Variants in TLN1 observed in about 807,000 individuals in gnomAD.
TLN1 encodes talin-1.
TLN1 carries 56 observed loss-of-function variants against 292.3 expected under a neutral mutation model. The ratio of observed to expected loss-of-function variants is 0.19; its 90% CI spans 0.15 to 0.24. The LOEUF is 0.24. Ranked by LOEUF, TLN1 falls within the 10% of genes least tolerant of loss-of-function variation. The probability of loss-of-function intolerance (pLI) is 1.00; values close to 1 mark genes in which losing one functional copy is unlikely to be tolerated. For missense variants in TLN1, 2,433 were observed against 3,248.2 expected, an observed-to-expected ratio of 0.75 and a Z score of 6.10; for synonymous variants, 1,119 against 1,253.7, an observed-to-expected ratio of 0.89 and a Z score of 2.27.
At chr9:35,713,932 T>C (rs752738710) in intron 25 of TLN1, 21 bp downstream of exon 25, 9 of 1,613,790 alleles carry the variant, frequency 5.6e-6, no homozygotes, top group Non-Finnish European at 6.8e-6. Context: ...TGAGTAAGAA[T>C]GAGGTCTTAA....
intron 8 of TLN1, 38 bp downstream of exon 8, chr9:35,722,823 C>T (rs374852686): frequency 8.9e-5 from 143 of 1,604,544 alleles, no homozygotes; most frequent in Non-Finnish European, 1.1e-4. Flanking sequence ...AGCAAAGCTC[C>T]GCGGTCATCC....
chr9:35,716,263 C>G, intron 20 of TLN1, 127 bp downstream of exon 20: 2 of 967,562 alleles, frequency 2.1e-6, no homozygotes, highest in African/African-American at 1.7e-5. Flanking sequence ...TTCCTGAGTG[C>G]TCCTATATTT....
At chr9:35,712,181 C>T in intron 27 of TLN1, 57 bp from the exon 28 acceptor site, 2 of 1,565,760 alleles carry the variant, frequency 1.3e-6, no homozygotes, top group Non-Finnish European at 1.7e-6. Context: ...GAGATCGCCT[C>T]CATTCACGCG....
intron 10 of TLN1, among the ~76,000 whole-genome samples, chr9:35,721,247 C>T (rs1825874122): frequency 1.3e-5 from 2 of 152,214 alleles, no homozygotes. Flanking sequence ...AGGGAAAAAA[C>T]AGCATTTCCT....
At position 35,720,888 on chromosome 9, in the gene TLN1, T is replaced by C. The variant is rs376501141; in HGVS notation, c.1130A>G (p.Tyr377Cys). ...TLDFGDYQDG[Y>C]YSVQTTEGEQ... Reference sequence around the variant, plus strand: ...CCCTTCAGTTGTCTGTACTGAGTAATAGCCATCTTGGTAATCTCCAAAATC... The same window carrying C: ...CCCTTCAGTTGTCTGTACTGAGTAACAGCCATCTTGGTAATCTCCAAAATC... Residue 377 changes from tyrosine (Y) to cysteine (C), a missense_variant, in exon 11 of 57, where the codon TAT (tyrosine) becomes TGT (cysteine). By Grantham distance (194) the Tyr-to-Cys change is radical. Around this residue, in one of 7 missense-constraint regions of TLN1, gnomAD observed 57 missense variants for 136.5 expected, o/e 0.42. Transcript: ENST00000314888. 21 of 1,613,920 alleles carry C rather than the reference T, an allele frequency of 1.3e-5. No individual in the cohort carries two copies. Among genetic ancestry groups the C allele is most frequent in the African/African-American group, 2.7e-5 (2 of 74,910 alleles).
chr9:35,704,548 G>A lies in TLN1; in HGVS notation c.5881-50C>T. ...ACTGTGGAAGGTGCCATGTGAAATG[G>A]AAAGGTTGCCCATGCCTGGGAGAAG... On this transcript the variant is annotated intron_variant, in intron 44 of 56. Coordinates refer to ENST00000314888, the MANE Select transcript of TLN1 (RefSeq NM_006289.4). This position sits in a 1 kb window ranked among gnomAD's most constrained non-coding sequence, Gnocchi z 6.9. 6.3e-7 allele frequency: 1 copy of A among 1,582,936 alleles called. No homozygotes were observed.
chr9:35,710,017 C>T (rs900092965), intron 33 of TLN1, among the ~76,000 whole-genome samples: 3 of 147,576 alleles, frequency 2.0e-5, no homozygotes, highest in African/African-American at 7.5e-5. Flanking sequence ...CGAGACCATC[C>T]TGGCTAACAT....
rs529614368 is a variant in TLN1 at position 35,720,318 on chromosome 9, G to T, written c.1284-99C>A. ...TGCAGGTGTGTGAGGTCTCACTACA[G>T]CCTGCAACTAGTTAAAGAACCATTC... On this transcript the variant is annotated intron_variant, in intron 12 of 56. Transcript: ENST00000314888. The T allele has an allele frequency of 9.2e-5, 141 of 1,529,782 alleles. 2 individuals are homozygous for T. The South Asian group carries it at 1.1e-3, about 12-fold the overall frequency. The allele number at this position is 1,529,782 out of a possible 1,614,324, so 94.8% of individuals were successfully genotyped here. A position where few individuals can be genotyped will look rare whatever the true frequency, so the allele number is the denominator to read the frequency against.
intron 3 of TLN1, 52 bp downstream of exon 3, chr9:35,725,172 G>C (rs1825948411): frequency 1.3e-6 from 2 of 1,596,504 alleles, no homozygotes; most frequent in Admixed American, 3.3e-5. Context: ...AGGTGGAACA[G>C]GGAGAAGCTG....
Position 35,716,551 on chromosome 9 carries a change from T to C in TLN1, c.2464A>G (p.Met822Val), listed in dbSNP as rs778231196. The change falls in exon 20 of 57, where the codon ATG becomes GTG. Residue 822 changes from methionine to valine, a missense_variant. Around this residue, in one of 7 missense-constraint regions of TLN1, gnomAD observed 617 missense variants for 770.6 expected, o/e 0.80. Transcript: ENST00000314888. ...GCCAGGATGCGGGCCTGTCGCACCA[T>C]CTCCCCTGAGAGCATAGGGCACAGT... ...IFSSMGDAGE[M>V]VRQARILAQA... The C allele has an allele frequency of 1.2e-6, 2 of 1,613,838 alleles. No homozygotes were observed. The highest frequency in any genetic ancestry group is 1.1e-5 in the South Asian group (1 of 91,058).
Position 35,700,384 on chromosome 9 carries a change from G to A in TLN1, c.6475-8C>T, listed in dbSNP as rs1382150169. ...CTCTGGGGAACAGAAAACCTGTGGG[G>A]GCAGAAGAAGAAGAAAGATTTTACA... On this transcript the variant is annotated splice_region_variant and splice_polypyrimidine_tract_variant and intron_variant, in intron 48 of 56. Coordinates refer to ENST00000314888, the MANE Select transcript of TLN1 (RefSeq NM_006289.4). 6.3e-7 allele frequency: 1 copy of A among 1,591,532 alleles called. No individual in the cohort carries two copies. The highest frequency in any genetic ancestry group is 8.6e-7 in the Non-Finnish European group (1 of 1,162,658).
intron 1 of TLN1, among the ~76,000 whole-genome samples, chr9:35,729,113 T>C (rs553924180): frequency 6.6e-6 from 1 of 152,328 alleles, no homozygotes; most frequent in South Asian, 2.1e-4. Context: ...ATTTAATCCT[T>C]ACAGTAGGTG....
At chr9:35,727,296 C>G (rs1327257898) in intron 1 of TLN1, among the ~76,000 whole-genome samples, 2 of 152,080 alleles carry the variant, frequency 1.3e-5, no homozygotes, top group Non-Finnish European at 2.9e-5. Flanking sequence ...TGTTAGGATA[C>G]AGAAGGCATT....
rs746258492 is a variant in TLN1 at position 35,714,096 on chromosome 9, G to A, written c.3121-15C>T. On this transcript the variant is annotated splice_polypyrimidine_tract_variant and intron_variant, in intron 24 of 56. Transcript: ENST00000314888. The surrounding 1 kb of genome is among the most constrained non-coding windows in gnomAD (Gnocchi z 4.6). ...GCTTCCTGAGCCTATGATAAGAAAG[G>A]GGTTTTGGGTGTAGAAGGTCCTGCT... The A allele has an allele frequency of 1.9e-6, 3 of 1,613,370 alleles. No individual in the cohort carries two copies. Among genetic ancestry groups the A allele is most frequent in the Non-Finnish European group, 2.5e-6 (3 of 1,179,452 alleles).
intron 33 of TLN1, among the ~76,000 whole-genome samples, chr9:35,710,210 G>A (rs1220927373): frequency 1.4e-4 from 15 of 111,066 alleles, no homozygotes; most frequent in Admixed American, 1.3e-4. Context: ...GCGACAGAGC[G>A]AAACGCTGTC....
At position 35,697,604 on chromosome 9, in the gene TLN1, A is replaced by C; in HGVS notation, c.*187T>G. 1 of 773,908 alleles carries C rather than the reference A, an allele frequency of 1.3e-6. No homozygotes were observed. Among genetic ancestry groups the C allele is most frequent in the Non-Finnish European group, 2.0e-6 (1 of 491,884 alleles). 47.9% of individuals were successfully genotyped at this position (773,908 alleles called of 1,614,324 possible). A position where few individuals can be genotyped will look rare whatever the true frequency, so the allele number is the denominator to read the frequency against. On this transcript the variant is annotated 3_prime_UTR_variant, in exon 57 of 57. Transcript: ENST00000314888. The stretch of plus-strand genomic sequence containing the variant: ...GGCACTTGGGGGGCCCTAGGGCATG[A>C]AGGCACTTGGGGTTGGGGAGGGGAC...
rs1003952810 is a variant in TLN1, at chr9:35,706,334, G to A, written c.5223C>T (p.Leu1741=). ...AGGCAGCACCCACTGCAGCCAGGGTGAGCGGCTCAAAGTACTGCGCCATCT... is the reference window on the plus strand; with the variant it reads ...AGGCAGCACCCACTGCAGCCAGGGTAAGCGGCTCAAAGTACTGCGCCATCT... ...VSQMAQYFEP[L]TLAAVGAASK... is the part of the protein sequence containing the mutation. Residue 1741 remains leucine (L), a synonymous_variant, in exon 40 of 57, where the codon CTC becomes CTT. Coordinates refer to ENST00000314888, the MANE Select transcript of TLN1 (RefSeq NM_006289.4). This position sits in a 1 kb window ranked among gnomAD's most constrained non-coding sequence, Gnocchi z 4.2. 6.2e-7 allele frequency: 1 copy of A among 1,612,096 alleles called. No individual in the cohort carries two copies. Among genetic ancestry groups the A allele is most frequent in the African/African-American group, 1.3e-5 (1 of 75,034 alleles).
At chr9:35,723,103 CTTCT>C (rs1414758994) in intron 7 of TLN1, 182 bp from the exon 8 acceptor site, 30 of 490,932 alleles carry the variant, frequency 6.1e-5, no homozygotes, top group East Asian at 1.5e-4. Flanking sequence ...CGTGTAAACT[CTTCT>C]TTTTTTTTTT....
At chr9:35,718,516 G>C (rs963083156) in intron 17 of TLN1, among the ~76,000 whole-genome samples, 1 of 152,104 alleles carries the variant, frequency 6.6e-6, no homozygotes, top group Non-Finnish European at 1.5e-5. Context: ...ATAGCATTGT[G>C]GGGGGTCCTC....
Sources: gnomAD v4.1 joint callset for allele counts (sites outside exome capture counted in the v4.1 genomes callset) on GRCh38, gnomAD v4.1.1 for gene constraint, gnomAD v4.1.1 regional missense constraint, Gnocchi (gnomAD v3.1) non-coding constraint, MANE v1.5 for transcripts, NCBI Gene and HGNC (gene_info 2026-07-23, HGNC 2026-07-21) for gene names.